The following UNC5B variants were observed in gnomAD, a reference collection of about 807,000 sequenced individuals.
UNC5B encodes unc-5 netrin receptor B, also known as netrin receptor UNC5B.
A neutral mutation model predicts 103.7 loss-of-function variants in UNC5B; 56 were observed. That is an observed-to-expected ratio of 0.54 (90% CI 0.44 to 0.67). UNC5B has a LOEUF of 0.67. UNC5B is among the 30% of genes least tolerant of loss of function. UNC5B has a pLI of 0.00. For synonymous variants in UNC5B, 577 were observed against 542.0 expected (o/e 1.06, Z -0.90); for missense variants, 1,194 against 1,284.5 (o/e 0.93, Z 1.08).
intron 1 of UNC5B, among the ~76,000 whole-genome samples, chr10:71,272,975 A>C (rs2132292465): frequency 6.6e-6 from 1 of 152,024 alleles, no homozygotes; most frequent in African/African-American, 2.4e-5. Context: ...TGCAACTTCC[A>C]CCTCCCAGGT....
At chr10:71,265,344 G>A (rs74145402) in intron 1 of UNC5B, among the ~76,000 whole-genome samples, 2,335 of 152,268 alleles carry the variant, frequency 0.015, 52 homozygotes, top group African/African-American at 0.05. Flanking sequence ...CTGGGGGCCC[G>A]GGTAACAGAG....
chr10:71,253,313 TGCAAG>T (rs1844218081), intron 1 of UNC5B, among the ~76,000 whole-genome samples: 2 of 152,232 alleles, frequency 1.3e-5, no homozygotes, highest in Non-Finnish European at 2.9e-5. Flanking sequence ...GCCACCCTAC[TGCAAG>T]GCCCAGGCCC....
At chr10:71,291,920 C>T in intron 10 of UNC5B, 99 bp downstream of exon 10, 1 of 1,442,900 alleles carries the variant, frequency 6.9e-7, no homozygotes. Context: ...GCCCTAATCC[C>T]ATCTCACAGA....
chr10:71,227,611 C>CATATATATACATACAT (rs1564706915), intron 1 of UNC5B, among the ~76,000 whole-genome samples: 1 of 127,452 alleles, frequency 7.8e-6, no homozygotes, highest in African/African-American at 2.9e-5. Flanking sequence ...TACATATATA[C>CATATATATACATACAT]ATATATATAC....
At chr10:71,275,156 T>C (rs555914731) in intron 1 of UNC5B, among the ~76,000 whole-genome samples, 1 of 152,340 alleles carries the variant, frequency 6.6e-6, no homozygotes, top group Non-Finnish European at 1.5e-5. Flanking sequence ...GGATGTGTCT[T>C]CTTTCATAGC....
chr10:71,297,031 T>TG (rs1845457924), intron 15 of UNC5B, among the ~76,000 whole-genome samples: 2 of 134,890 alleles, frequency 1.5e-5, no homozygotes, highest in African/African-American at 2.9e-5. Flanking sequence ...TGCACAGCAC[T>TG]GTGGCATAGG....
chr10:71,285,290 C>G (rs777727449), intron 3 of UNC5B, 36 bp from the exon 4 acceptor site: 11 of 1,570,058 alleles, frequency 7.0e-6, no homozygotes, highest in Middle Eastern at 1.7e-4. Context: ...ATCCTGCCCG[C>G]ACCTGACTGC....
In UNC5B at chr10:71,299,307, T is replaced by G. The variant is rs2132320213; in HGVS notation, c.*30T>G. Reference sequence around the variant, plus strand: ...CCTGGGACAGCGGGCTGGCAGGGACTGGCAGGAGGCAGGTGCAGGGAGGCC... The same window carrying G: ...CCTGGGACAGCGGGCTGGCAGGGACGGGCAGGAGGCAGGTGCAGGGAGGCC... On this transcript the variant is annotated 3_prime_UTR_variant, in exon 17 of 17. Coordinates refer to ENST00000335350, the MANE Select transcript of UNC5B (RefSeq NM_170744.5). 3.7e-6 allele frequency: 6 copies of G among 1,611,488 alleles called. No homozygotes were observed. In the East Asian group the frequency reaches 1.3e-4, roughly 36 times the overall value.
At chr10:71,220,647 C>T (rs1010228956) in intron 1 of UNC5B, among the ~76,000 whole-genome samples, 1 of 152,190 alleles carries the variant, frequency 6.6e-6, no homozygotes, top group Non-Finnish European at 1.5e-5. Flanking sequence ...GTAATAATAA[C>T]ATCATCCTCA....
At position 71,249,258 on chromosome 10, in the gene UNC5B, C is replaced by T. The variant is rs145453608; in HGVS notation, c.80-30563C>T. The stretch of plus-strand genomic sequence containing the variant: ...TTCTCAGGCATGCTCCCCTCCAGAG[C>T]CTGCAGCCTGGGCACCAGTAACCTG... On this transcript the variant is annotated intron_variant, in intron 1 of 16. Coordinates refer to ENST00000335350, the MANE Select transcript of UNC5B (RefSeq NM_170744.5). Among the ~76,000 whole-genome samples the T allele has an allele frequency of 5.2e-3, 791 of 152,302 alleles. 7 individuals carry two copies. Among genetic ancestry groups the T allele is most frequent in the African/African-American group, 0.017 (727 of 41,584 alleles).
rs1219314626 is a variant in UNC5B, at chr10:71,293,785, A to G, written c.2027A>G (p.Gln676Arg). ...AGGGCCTGTCACATCCTGCTGGACC[A>G]GCTGGGCACCTACGTGTTCACGGGC... is the stretch of plus-strand genomic sequence containing the variant. ...EPRACHILLDQLGTYVFTGES... is the reference protein window; with the variant it reads ...EPRACHILLDRLGTYVFTGES... Residue 676 changes from glutamine (Q) to arginine (R), a missense_variant, in exon 13 of 17, where the codon CAG (glutamine) becomes CGG (arginine). By Grantham distance (43) the Gln-to-Arg change is conservative (BLOSUM62 1). Transcript: ENST00000335350. 2 of 1,604,956 alleles carry G rather than the reference A, an allele frequency of 1.2e-6. No individual in the cohort carries two copies. The highest frequency in any genetic ancestry group is 1.7e-6 in the Non-Finnish European group (2 of 1,176,070).
chr10:71,253,312 C>G (rs1013866358), intron 1 of UNC5B, among the ~76,000 whole-genome samples: 1 of 152,250 alleles, frequency 6.6e-6, no homozygotes, highest in African/African-American at 2.4e-5. Flanking sequence ...GGCCACCCTA[C>G]TGCAAGGCCC....
At chr10:71,226,732 G>A (rs61009810) in intron 1 of UNC5B, among the ~76,000 whole-genome samples, 5,394 of 152,232 alleles carry the variant, frequency 0.035, 160 homozygotes, top group East Asian at 0.13. Context: ...AAATGAATTC[G>A]CTAATATTAA....
chr10:71,288,481 T>G (rs1182702355), intron 6 of UNC5B, 87 bp from the exon 7 acceptor site: 1 of 1,525,186 alleles, frequency 6.6e-7, no homozygotes, highest in Non-Finnish European at 8.8e-7. Flanking sequence ...CATGCATGTG[T>G]GTTGGCACAT....
intron 1 of UNC5B, among the ~76,000 whole-genome samples, chr10:71,261,618 A>G (rs1250776114): frequency 6.6e-6 from 1 of 152,118 alleles, no homozygotes; most frequent in East Asian, 1.9e-4. Context: ...AAAACACATC[A>G]TTCTTAGTAT....
At chr10:71,237,356 A>G (rs1843796182) in intron 1 of UNC5B, among the ~76,000 whole-genome samples, 1 of 152,192 alleles carries the variant, frequency 6.6e-6, no homozygotes, top group African/African-American at 2.4e-5. Flanking sequence ...ATTAATAGCA[A>G]TCTACCCCAT....
intron 14 of UNC5B, among the ~76,000 whole-genome samples, chr10:71,296,215 C>T (rs1845407903): frequency 6.6e-6 from 1 of 152,188 alleles, no homozygotes; most frequent in Non-Finnish European, 1.5e-5. Flanking sequence ...ACGACTATGC[C>T]CTTCATCCTC....
At chr10:71,298,240 T>C in intron 16 of UNC5B, 150 bp downstream of exon 16, 1 of 868,346 alleles carries the variant, frequency 1.2e-6, no homozygotes. Context: ...AACTCAGGAT[T>C]GGATATGCAA....
At position 71,213,758 on chromosome 10, in the gene UNC5B, T is replaced by C. The variant is rs1340772843; in HGVS notation, c.79+694T>C. On this transcript the variant is annotated intron_variant, in intron 1 of 16. Coordinates refer to ENST00000335350, the MANE Select transcript of UNC5B (RefSeq NM_170744.5). The surrounding 1 kb of genome is among the most constrained non-coding windows in gnomAD (Gnocchi z 4.1). Reference sequence around the variant, plus strand: ...GTGTGTGTGTGTGTGTGTGTGTGTGTGTGTTGGATGCGGGTAGGGGTTCTT... The same window carrying C: ...GTGTGTGTGTGTGTGTGTGTGTGTGCGTGTTGGATGCGGGTAGGGGTTCTT... Among the ~76,000 whole-genome samples, 1 of 150,162 alleles carries C rather than the reference T, an allele frequency of 6.7e-6. No homozygotes were observed. The highest frequency in any genetic ancestry group is 1.5e-5 in the Non-Finnish European group (1 of 67,554).
Sources: gnomAD v4.1 joint callset for allele counts (sites outside exome capture counted in the v4.1 genomes callset) on GRCh38, gnomAD v4.1.1 for gene constraint, Gnocchi (gnomAD v3.1) non-coding constraint, MANE v1.5 for transcripts, NCBI Gene and HGNC (gene_info 2026-07-23, HGNC 2026-07-21) for gene names.